The following TNXB variants were observed in gnomAD, a reference collection of about 807,000 sequenced individuals.
TNXB encodes tenascin-X.
Under a neutral mutation model 340.5 loss-of-function variants are expected in TNXB, and 183 were observed. The ratio of observed to expected loss-of-function variants is 0.54; its 90% CI spans 0.48 to 0.61. The LOEUF is 0.61. TNXB is among the 20% of genes least tolerant of loss of function. The probability of loss-of-function intolerance (pLI) is 0.00; values close to 1 mark genes in which losing one functional copy is unlikely to be tolerated. For synonymous variants in TNXB, 2,121 were observed against 2,314.5 expected, an observed-to-expected ratio of 0.92 and a Z score of 2.40; for missense variants, 4,613 against 5,446.4, an observed-to-expected ratio of 0.85 and a Z score of 4.82.
At chr6:32,105,969 T>C (rs1780956451) in intron 1 of TNXB, among the ~76,000 whole-genome samples, 1 of 152,064 alleles carries the variant, frequency 6.6e-6, no homozygotes, top group Non-Finnish European at 1.5e-5. Context: ...TATGCAGTAG[T>C]GTGATGGATC....
chr6:32,069,109 G>T lies in TNXB; in HGVS notation c.5615C>A (p.Thr1872Asn). 1 of 1,610,340 alleles carries T rather than the reference G, an allele frequency of 6.2e-7. No homozygotes were observed. Among genetic ancestry groups the T allele is most frequent in the Non-Finnish European group, 8.5e-7 (1 of 1,179,136 alleles). Residue 1872 changes from threonine (T) to asparagine (N), a missense_variant, in exon 16 of 44, where the codon ACC (threonine) becomes AAC (asparagine). This residue lies in a region of TNXB where 4,327 missense variants were observed against 4,859.4 expected (regional missense o/e 0.89). Transcript: ENST00000644971. This position sits in a 1 kb window ranked among gnomAD's most constrained non-coding sequence, Gnocchi z 6.2. ...TAGREETETE[T>N]TAPTPPAPEP... ...AGGCGCTGGAGGGGTCGGGGCCGTG[G>T]TCTCAGTTTCCGTTTCTTCCCTGCC...
chr6:32,058,039 C>G lies in TNXB; in HGVS notation c.7825+19G>C. The G allele has an allele frequency of 6.3e-7, 1 of 1,590,122 alleles. No individual in the cohort carries two copies. Among genetic ancestry groups the G allele is most frequent in the South Asian group, 1.1e-5 (1 of 88,924 alleles). On this transcript the variant is annotated intron_variant, in intron 22 of 43. Transcript: ENST00000644971. The surrounding 1 kb of genome is among the most constrained non-coding windows in gnomAD (Gnocchi z 5.1). ...TTCTAGGGCTGTCTTCCAACCCTGC[C>G]CCACCCACACTCACTCACCTGTGAC... is the stretch of plus-strand genomic sequence containing the variant.
At chr6:32,071,369 C>T (rs771248942) in intron 13 of TNXB, among the ~76,000 whole-genome samples, 2 of 151,982 alleles carry the variant, frequency 1.3e-5, no homozygotes, top group Non-Finnish European at 2.9e-5. Flanking sequence ...GTGATGGATT[C>T]GCAAGGCAGG....
At position 32,097,547 on chromosome 6, in the gene TNXB, C is replaced by T; in HGVS notation, c.404-98G>A. On this transcript the variant is annotated intron_variant, in intron 2 of 43. Coordinates refer to ENST00000644971, the MANE Select transcript of TNXB (RefSeq NM_001365276.2). This position sits in a 1 kb window ranked among gnomAD's most constrained non-coding sequence, Gnocchi z 5.9. ...TGTGCAGGCCCCTAGCCAGGCTAGCCTCATCTCATAAGGCCATGTCTGCTC... is the reference window on the plus strand; with the variant it reads ...TGTGCAGGCCCCTAGCCAGGCTAGCTTCATCTCATAAGGCCATGTCTGCTC... 1 of 1,424,138 alleles carries T rather than the reference C, an allele frequency of 7.0e-7. No individual in the cohort carries two copies. The highest frequency in any genetic ancestry group is 9.4e-7 in the Non-Finnish European group (1 of 1,065,868). The allele number at this position is 1,424,138 out of a possible 1,614,324, so 88.2% of individuals were successfully genotyped here.
chr6:32,096,107 G>T lies in TNXB; in HGVS notation c.1746C>A (p.Gly582=), dbSNP rs1467936097. Residue 582 remains glycine, a synonymous_variant, in exon 3 of 44, where the codon GGC becomes GGA. Coordinates refer to ENST00000644971, the MANE Select transcript of TNXB (RefSeq NM_001365276.2). ...GGCACTGCCTCACACCGCAATCCTC[G>T]CCAGAGTAGCCGTCCTCGCACACAC... ...GRCVCEDGYS[G]EDCGVRQCPN... 1 of 1,607,390 alleles carries T rather than the reference G, an allele frequency of 6.2e-7. No homozygotes were observed. The highest frequency in any genetic ancestry group is 8.5e-7 in the Non-Finnish European group (1 of 1,177,740).
Position 32,049,407 on chromosome 6 carries a change from G to A in TNXB, c.9620C>T (p.Pro3207Leu). The A allele has an allele frequency of 2.5e-6, 4 of 1,612,672 alleles. No individual in the cohort carries two copies. The highest frequency in any genetic ancestry group is 3.4e-6 in the Non-Finnish European group (4 of 1,179,884). The change falls in exon 28 of 44, where the codon CCC becomes CTC. Residue 3207 changes from proline (P) to leucine (L), a missense_variant. By Grantham distance (98) the Pro-to-Leu change is moderately conservative. Around this residue, in one of 7 missense-constraint regions of TNXB, gnomAD observed 4,327 missense variants for 4,859.4 expected, o/e 0.89. Coordinates refer to ENST00000644971, the MANE Select transcript of TNXB (RefSeq NM_001365276.2). This position sits in a 1 kb window ranked among gnomAD's most constrained non-coding sequence, Gnocchi z 4.5. ...CTCGCCCCTGACACGCACCACCTGGGGCTGCCCGTCCCTGTCCTTGTACTG... is the reference window on the plus strand; with the variant it reads ...CTCGCCCCTGACACGCACCACCTGGAGCTGCCCGTCCCTGTCCTTGTACTG... ...TVQYKDRDGQ[P>L]QVVRVRGEES...
chr6:32,079,553 G>A lies in TNXB; in HGVS notation c.4043-188C>T, dbSNP rs1384233898. Among the ~76,000 whole-genome samples, 1 of 152,196 alleles carries A rather than the reference G, an allele frequency of 6.6e-6. No individual in the cohort carries two copies. Among genetic ancestry groups the A allele is most frequent in the East Asian group, 1.9e-4 (1 of 5,200 alleles). On this transcript the variant is annotated intron_variant, in intron 10 of 43. Coordinates refer to ENST00000644971, the MANE Select transcript of TNXB (RefSeq NM_001365276.2). This position sits in a 1 kb window ranked among gnomAD's most constrained non-coding sequence, Gnocchi z 7.1. ...CCATCCTGCTCTGGTGGGTTCTGTG[G>A]GGGTGAGGGGTCTCCCTTCGTGTCT...
Position 32,089,297 on chromosome 6 carries a change from T to C in TNXB, c.2441A>G (p.Gln814Arg), listed in dbSNP as rs954331287. The C allele has an allele frequency of 2.5e-6, 4 of 1,607,968 alleles. No homozygotes were observed. In the African/African-American group the frequency reaches 4.0e-5, roughly 16 times the overall value. The change falls in exon 5 of 44, where the codon CAG becomes CGG. Residue 814 changes from glutamine (Q) to arginine (R), a missense_variant. Gln to Arg is a conservative substitution (Grantham distance 43). Around this residue, in one of 7 missense-constraint regions of TNXB, gnomAD observed 4,327 missense variants for 4,859.4 expected, o/e 0.89. Coordinates refer to ENST00000644971, the MANE Select transcript of TNXB (RefSeq NM_001365276.2). The surrounding 1 kb of genome is among the most constrained non-coding windows in gnomAD (Gnocchi z 6.2). ...AYDQRGLAPG[Q>R]EYQVTVRALR... is the part of the protein sequence containing the mutation. ...GGCTCGGACAGTGACCTGGTACTCC[T>C]GTCCAGGGGCCAGTCCTCTCTGGTC...
rs58651735 is a variant in TNXB, at chr6:32,069,320, C to A, written c.5588-184G>T. Among the ~76,000 whole-genome samples, 1 of 152,200 alleles carries A rather than the reference C, an allele frequency of 6.6e-6. No individual in the cohort carries two copies. The highest frequency in any genetic ancestry group is 1.5e-5 in the Non-Finnish European group (1 of 68,032). On this transcript the variant is annotated intron_variant, in intron 15 of 43. Coordinates refer to ENST00000644971, the MANE Select transcript of TNXB (RefSeq NM_001365276.2). This position sits in a 1 kb window ranked among gnomAD's most constrained non-coding sequence, Gnocchi z 6.2. ...GCAAGAAATGAAACACAAGAGACTGCGTATTGTGATTCCATTACATGGAGA... is the reference window on the plus strand; with the variant it reads ...GCAAGAAATGAAACACAAGAGACTGAGTATTGTGATTCCATTACATGGAGA...
chr6:32,082,002 G>T lies in TNXB; in HGVS notation c.3736+34C>A. On this transcript the variant is annotated intron_variant, in intron 9 of 43. Transcript: ENST00000644971. The surrounding 1 kb of genome is among the most constrained non-coding windows in gnomAD (Gnocchi z 5.0). ...GGGAAGTGTGCATGGGGCTGAGAAG[G>T]GGTCACATGGGGGCTGAGGTGGCTG... The T allele has an allele frequency of 1.3e-6, 2 of 1,575,718 alleles. No homozygotes were observed. Among genetic ancestry groups the T allele is most frequent in the East Asian group, 2.3e-5 (1 of 43,738 alleles).
At chr6:32,105,697 C>CA (rs1780944101) in intron 1 of TNXB, among the ~76,000 whole-genome samples, 1 of 152,304 alleles carries the variant, frequency 6.6e-6, no homozygotes. Flanking sequence ...GAGGCAGAAT[C>CA]AGAGGCCAGG....
rs1779047440 is a variant in TNXB at position 32,075,756 on chromosome 6, C to A, written c.4376-1804G>T. ...ATAATGAGTGGTCTACAGGTCTGGG[C>A]TCAGGACCTGCAGATCCCCACCACT... On this transcript the variant is annotated intron_variant, in intron 11 of 43. Coordinates refer to ENST00000644971, the MANE Select transcript of TNXB (RefSeq NM_001365276.2). The surrounding 1 kb of genome is among the most constrained non-coding windows in gnomAD (Gnocchi z 4.6). Among the ~76,000 whole-genome samples, 1 of 152,192 alleles carries A rather than the reference C, an allele frequency of 6.6e-6. No homozygotes were observed.
intron 4 of TNXB, chr6:32,093,135 T>C: frequency 2.1e-6 from 1 of 482,240 alleles, no homozygotes; most frequent in Non-Finnish European, 3.7e-6. Flanking sequence ...CCCTGAAATT[T>C]CTTAAGAAAC....
Position 32,058,116 on chromosome 6 carries a change from G to T in TNXB, c.7767C>A (p.His2589Gln). ...GCCGCCCCTCGTGGAGGCCGTACAGGTGCATCTTGTACTTGCGCCCAGGCT... is the reference window on the plus strand; with the variant it reads ...GCCGCCCCTCGTGGAGGCCGTACAGTTGCATCTTGTACTTGCGCCCAGGCT... ...GLEPGRKYKM[H>Q]LYGLHEGRRL... The change falls in exon 22 of 44, where the codon CAC becomes CAA. Residue 2589 changes from histidine to glutamine, a missense_variant. Physicochemically the swap from His to Gln is conservative, Grantham distance 24 (BLOSUM62 0). Around this residue, in one of 7 missense-constraint regions of TNXB, gnomAD observed 4,327 missense variants for 4,859.4 expected, o/e 0.89. Transcript: ENST00000644971. The surrounding 1 kb of genome is among the most constrained non-coding windows in gnomAD (Gnocchi z 5.1). 8.1e-6 allele frequency: 13 copies of T among 1,612,804 alleles called. No homozygotes were observed. The highest frequency in any genetic ancestry group is 1.1e-5 in the Non-Finnish European group (13 of 1,179,798).
chr6:32,070,292 CA>C lies in TNXB; in HGVS notation c.5112del (p.Phe1704LeufsTer81). 1 of 1,613,086 alleles carries C rather than the reference CA, an allele frequency of 6.2e-7. No individual in the cohort carries two copies. The highest frequency in any genetic ancestry group is 2.2e-5 in the East Asian group (1 of 44,856). ...WTVPEGQFDS[F>X]VVQFKDKDGP... Reference sequence around the variant, plus strand: ...CCGTCTTTGTCCTTGAACTGGACCACAAAAGAGTCGAACTGGCCCTCAGGAA... The same window carrying C: ...CCGTCTTTGTCCTTGAACTGGACCACAAAGAGTCGAACTGGCCCTCAGGAA... On this transcript the variant is annotated frameshift_variant, in exon 14 of 44. Transcript: ENST00000644971. LOFTEE classifies it high-confidence loss of function. The surrounding 1 kb of genome is among the most constrained non-coding windows in gnomAD (Gnocchi z 6.0).
At position 32,046,449 on chromosome 6, in the gene TNXB, C is replaced by T. The variant is rs139067318; in HGVS notation, c.10332G>A (p.Leu3444=). 1.3e-6 allele frequency: 2 copies of T among 1,572,854 alleles called. No individual in the cohort carries two copies. Among genetic ancestry groups the T allele is most frequent in the African/African-American group, 2.7e-5 (2 of 74,404 alleles). ...PISADSTTAP[L]EKELPPHLGE... is the part of the protein sequence containing the mutation. ...CCAGGTGGGGAGGTAGCTCCTTCTC[C>T]AGGGGAGCTGTGCAGAGGGAGGAGG... Residue 3444 remains leucine, a synonymous_variant, in exon 31 of 44, where the codon CTG becomes CTA. Transcript: ENST00000644971. This position sits in a 1 kb window ranked among gnomAD's most constrained non-coding sequence, Gnocchi z 6.9.
chr6:32,053,227 C>T (rs1777403999), intron 25 of TNXB, among the ~76,000 whole-genome samples, 161 bp downstream of exon 25: 1 of 152,094 alleles, frequency 6.6e-6, no homozygotes, highest in South Asian at 2.1e-4. Flanking sequence ...GGGCCCTTCT[C>T]CACCCAGGAA....
In TNXB at chr6:32,062,178, C is replaced by T. The variant is rs1455027347; in HGVS notation, c.7147G>A (p.Val2383Met). The T allele has an allele frequency of 1.2e-5, 19 of 1,611,496 alleles. No individual in the cohort carries two copies. The highest frequency in any genetic ancestry group is 1.4e-5 in the Non-Finnish European group (17 of 1,178,726). ...TCACCTGTCACCCCGATGGCAGACACGGGGCCCACACGCTGGCCACCGTGG... is the reference window on the plus strand; with the variant it reads ...TCACCTGTCACCCCGATGGCAGACATGGGGCCCACACGCTGGCCACCGTGG... The part of the protein sequence containing the change: ...GFHGGQRVGP[V>M]SAIGVTAAEE... The change falls in exon 20 of 44, where the codon GTG becomes ATG. Residue 2383 changes from valine to methionine, a missense_variant. Physicochemically the swap from Val to Met is conservative, Grantham distance 21 (BLOSUM62 1). Around this residue, in one of 7 missense-constraint regions of TNXB, gnomAD observed 4,327 missense variants for 4,859.4 expected, o/e 0.89. Coordinates refer to ENST00000644971, the MANE Select transcript of TNXB (RefSeq NM_001365276.2). The surrounding 1 kb of genome is among the most constrained non-coding windows in gnomAD (Gnocchi z 4.3).
intron 43 of TNXB, 156 bp from the exon 44 acceptor site, chr6:32,041,606 G>T: frequency 9.4e-7 from 1 of 1,067,596 alleles, no homozygotes; most frequent in Non-Finnish European, 1.4e-6. Flanking sequence ...ATTCTGAGCT[G>T]GCCCTTTCCA....
Sources: allele counts gnomAD v4.1 joint callset (sites outside exome capture counted in the v4.1 genomes callset), GRCh38; gene constraint gnomAD v4.1.1; regional missense constraint gnomAD v4.1.1; non-coding constraint Gnocchi (gnomAD v3.1); transcripts MANE v1.5; gene names NCBI Gene and HGNC (gene_info 2026-07-23, HGNC 2026-07-21).